The following UTP6 variants were observed in gnomAD, a reference collection of about 807,000 sequenced individuals.
UTP6 encodes UTP6 small subunit processome component, also known as U3 small nucleolar RNA-associated protein 6 homolog.
A neutral mutation model predicts 96.5 loss-of-function variants in UTP6; 60 were observed. That is an observed-to-expected ratio of 0.62 (90% confidence interval 0.51 to 0.77). The LOEUF (loss-of-function observed/expected upper bound fraction) is 0.77. Among genes scored for constraint, UTP6 ranks in the 30% least tolerant of loss-of-function variants. The pLI, the probability that UTP6 is intolerant of heterozygous loss-of-function variation, is 0.00. For missense variants in UTP6, 637 were observed against 706.5 expected (o/e 0.90, Z 1.12); for synonymous variants, 215 against 240.1 (o/e 0.90, Z 0.96).
chr17:31,878,388 G>T, intron 12 of UTP6, 61 bp from the exon 13 acceptor site: 1 of 1,514,658 alleles, frequency 6.6e-7, no homozygotes, highest in South Asian at 1.2e-5. Context: ...TCTGGCCTCT[G>T]ACATGAACAA....
chr17:31,894,978 T>C lies in UTP6; in HGVS notation c.211A>G (p.Arg71Gly). 6.4e-7 allele frequency: 1 copy of C among 1,560,336 alleles called. No individual in the cohort carries two copies. Among genetic ancestry groups the C allele is most frequent in the Non-Finnish European group, 8.7e-7 (1 of 1,145,378 alleles). The change falls in exon 3 of 19, where the codon AGA becomes GGA. Residue 71 changes from arginine to glycine, a missense_variant. Transcript: ENST00000261708. ...GAAAATCTTCTACTTACTGTTCTTCTTCTCTGGATCAGCTCCAAAAGATTA... is the reference window on the plus strand; with the variant it reads ...GAAAATCTTCTACTTACTGTTCTTCCTCTCTGGATCAGCTCCAAAAGATTA... ...EINLLELIQR[R>G]RTRIGYSFKK... is the part of the protein sequence containing the mutation.
At chr17:31,899,580 G>C (rs1904846832) in intron 2 of UTP6, 66 bp downstream of exon 2, 1 of 1,238,784 alleles carries the variant, frequency 8.1e-7, no homozygotes, top group Non-Finnish European at 1.1e-6. Context: ...GGGTGACAGA[G>C]TGAGATGCCA....
At chr17:31,884,170 G>A (rs1911008029) in intron 10 of UTP6, among the ~76,000 whole-genome samples, 1 of 151,624 alleles carries the variant, frequency 6.6e-6, no homozygotes, top group Non-Finnish European at 1.5e-5. Flanking sequence ...AACTAATTTT[G>A]TATTTTTAGT....
chr17:31,868,520 G>C (rs1480801797), intron 16 of UTP6, among the ~76,000 whole-genome samples: 1 of 151,598 alleles, frequency 6.6e-6, no homozygotes, highest in Non-Finnish European at 1.5e-5. Context: ...TTGTAGAGAA[G>C]AGGTCTCACT....
Position 31,892,185 on chromosome 17 carries a change from C to A in UTP6, c.424+75G>T, listed in dbSNP as rs780416317. 52 of 1,498,114 alleles carry A rather than the reference C, an allele frequency of 3.5e-5. No individual in the cohort carries two copies. In the South Asian group the frequency reaches 4.0e-4, roughly 12 times the overall value. 92.8% of individuals were successfully genotyped at this position (1,498,114 alleles called of 1,614,324 possible). A position where few individuals can be genotyped will look rare whatever the true frequency, so the allele number is the denominator to read the frequency against. On this transcript the variant is annotated intron_variant, in intron 6 of 18. Transcript: ENST00000261708. ...TCCTCAAAATAATTTCTCTTAGATTCATCAATCGAAATAAAATCCAAAATG... is the reference window on the plus strand; with the variant it reads ...TCCTCAAAATAATTTCTCTTAGATTAATCAATCGAAATAAAATCCAAAATG...
At position 31,862,091 on chromosome 17, in the gene UTP6, C is replaced by T. The variant is rs1359629025; in HGVS notation, c.*1268G>A. The T allele has an allele frequency of 6.6e-6, 1 of 152,172 alleles. No homozygotes were observed. The highest frequency in any genetic ancestry group is 1.5e-5 in the Non-Finnish European group (1 of 68,046). 9.4% of individuals were successfully genotyped at this position (152,172 alleles called of 1,614,324 possible). A position where few individuals can be genotyped will look rare whatever the true frequency, so the allele number is the denominator to read the frequency against. On this transcript the variant is annotated 3_prime_UTR_variant, in exon 19 of 19. Coordinates refer to ENST00000261708, the MANE Select transcript of UTP6 (RefSeq NM_018428.3). Reference sequence around the variant, plus strand: ...CGGGTGGATCATGAGGTCAGGAGTTCGCAACCAGCCTGGCCAATATGATGA... The same window carrying T: ...CGGGTGGATCATGAGGTCAGGAGTTTGCAACCAGCCTGGCCAATATGATGA...
chr17:31,873,880 C>G, intron 14 of UTP6, 127 bp from the exon 15 acceptor site: 1 of 1,027,004 alleles, frequency 9.7e-7, no homozygotes, highest in Non-Finnish European at 1.4e-6. Flanking sequence ...TAGTCCTATG[C>G]TCTGAAAACT....
chr17:31,900,753 G>C (rs1208789026), intron 1 of UTP6, among the ~76,000 whole-genome samples: 1 of 152,110 alleles, frequency 6.6e-6, no homozygotes, highest in Non-Finnish European at 1.5e-5. Context: ...AGGACTTACG[G>C]GAGAAGATTC....
chr17:31,863,522 A>C lies in UTP6; in HGVS notation c.1637-6T>G. On this transcript the variant is annotated splice_polypyrimidine_tract_variant and splice_region_variant and intron_variant, in intron 18 of 18. Transcript: ENST00000261708. Reference sequence around the variant, plus strand: ...CATATAATCCATCCAAAGATCTTTTAAAAAAAAAACATACAATTAGATAAC... The same window carrying C: ...CATATAATCCATCCAAAGATCTTTTCAAAAAAAAACATACAATTAGATAAC... 1 of 1,526,312 alleles carries C rather than the reference A, an allele frequency of 6.6e-7. No individual in the cohort carries two copies. The highest frequency in any genetic ancestry group is 8.9e-7 in the Non-Finnish European group (1 of 1,126,488). The allele number at this position is 1,526,312 out of a possible 1,614,324, so 94.5% of individuals were successfully genotyped here.
intron 18 of UTP6, among the ~76,000 whole-genome samples, chr17:31,863,755 T>A (rs1326586131): frequency 6.6e-6 from 1 of 152,068 alleles, no homozygotes; most frequent in Non-Finnish European, 1.5e-5. Context: ...CCGGCTAGAG[T>A]GTAGTAGCGG....
In UTP6 at chr17:31,873,714, C is replaced by T. The variant is rs763332420; in HGVS notation, c.1345G>A (p.Glu449Lys). ...PLWISWAEWS[E>K]GAKSQEDTEA... Reference sequence around the variant, plus strand: ...GTGTCTTCTTGGCTTTTGGCACCTTCACTCCACTCTGCCCAGGAAATCCAC... The same window carrying T: ...GTGTCTTCTTGGCTTTTGGCACCTTTACTCCACTCTGCCCAGGAAATCCAC... Residue 449 changes from glutamate (E) to lysine (K), a missense_variant, in exon 15 of 19, where the codon GAA (glutamate) becomes AAA (lysine). By Grantham distance (56) the Glu-to-Lys change is moderately conservative (BLOSUM62 1). Transcript: ENST00000261708. The T allele has an allele frequency of 3.1e-6, 5 of 1,612,158 alleles. No individual in the cohort carries two copies. The highest frequency in any genetic ancestry group is 2.7e-5 in the African/African-American group (2 of 74,772).
At chr17:31,868,359 T>A (rs187948605) in intron 16 of UTP6, among the ~76,000 whole-genome samples, 9 of 138,074 alleles carry the variant, frequency 6.5e-5, no homozygotes, top group South Asian at 2.4e-4. Context: ...AGACAGGGTC[T>A]CACTTTGTCA....
chr17:31,889,486 A>T (rs1430168453), intron 6 of UTP6, 83 bp from the exon 7 acceptor site: 8 of 1,070,502 alleles, frequency 7.5e-6, no homozygotes, highest in Non-Finnish European at 9.3e-6. Flanking sequence ...CAATTTTAAT[A>T]CTCGCACAAT....
At chr17:31,899,860 T>C (rs865813715) in intron 1 of UTP6, 130 bp from the exon 2 acceptor site, 21 of 706,016 alleles carry the variant, frequency 3.0e-5, no homozygotes, top group Middle Eastern at 8.9e-4. Flanking sequence ...AAGAAAGTAT[T>C]ATCGGCCGGA....
intron 9 of UTP6, among the ~76,000 whole-genome samples, chr17:31,885,603 C>T (rs959218147): frequency 6.6e-6 from 1 of 151,874 alleles, no homozygotes; most frequent in Admixed American, 6.6e-5. Flanking sequence ...GCCTAGCCAA[C>T]ATAGTGAAAC....
Position 31,871,485 on chromosome 17 carries a change from T to C in UTP6, c.1496+1893A>G, listed in dbSNP as rs75820941. Among the ~76,000 whole-genome samples, 492 of 152,064 alleles carry C rather than the reference T, an allele frequency of 3.2e-3. 1 individual carries two copies. The highest frequency in any genetic ancestry group is 6.0e-3 in the Non-Finnish European group (405 of 67,986). Reference sequence around the variant, plus strand: ...ATTTTTGGCTGGGCACAGTGCCTCATACCTACAATCCCAGCCCTTTGGGAG... The same window carrying C: ...ATTTTTGGCTGGGCACAGTGCCTCACACCTACAATCCCAGCCCTTTGGGAG... On this transcript the variant is annotated intron_variant, in intron 16 of 18. Coordinates refer to ENST00000261708, the MANE Select transcript of UTP6 (RefSeq NM_018428.3).
In UTP6 at chr17:31,892,454, T is replaced by TAAAC. The variant is rs372321146; in HGVS notation, c.361-135_361-132dup. The TAAAC allele has an allele frequency of 1.8e-4, 171 of 971,626 alleles. No individual in the cohort carries two copies. The African/African-American group carries it at 2.6e-3, about 15-fold the overall frequency. The allele number at this position is 971,626 out of a possible 1,614,324, so 60.2% of individuals were successfully genotyped here. On this transcript the variant is annotated intron_variant, in intron 5 of 18. Coordinates refer to ENST00000261708, the MANE Select transcript of UTP6 (RefSeq NM_018428.3). Reference sequence around the variant, plus strand: ...ATGACATGCTATTGCTAGGGATATATAAACGAACACAGACCCTCAAAATTT... The same window carrying TAAAC: ...ATGACATGCTATTGCTAGGGATATATAAACAAACGAACACAGACCCTCAAAATTT...
At position 31,883,232 on chromosome 17, in the gene UTP6, C is replaced by T. The variant is rs541878579; in HGVS notation, c.785+1192G>A. On this transcript the variant is annotated intron_variant, in intron 10 of 18. Coordinates refer to ENST00000261708, the MANE Select transcript of UTP6 (RefSeq NM_018428.3). ...AATAAAAAGAATAAAATTACCAGCA[C>T]TCAACTATAAACATATGAGTATAAC... is the stretch of plus-strand genomic sequence containing the variant. Among the ~76,000 whole-genome samples, 10 of 151,126 alleles carry T rather than the reference C, an allele frequency of 6.6e-5. No individual in the cohort carries two copies. In the East Asian group the frequency reaches 1.9e-3, roughly 29 times the overall value.
At chr17:31,875,554 G>A (rs1030663112) in intron 13 of UTP6, 141 bp from the exon 14 acceptor site, 83 of 986,140 alleles carry the variant, frequency 8.4e-5, no homozygotes, top group Non-Finnish European at 1.2e-5. Flanking sequence ...GCCAGGTGTG[G>A]TGGCTCACAC....
Sources: gnomAD v4.1 joint callset for allele counts (sites outside exome capture counted in the v4.1 genomes callset) on GRCh38, gnomAD v4.1.1 for gene constraint, MANE v1.5 for transcripts, NCBI Gene and HGNC (gene_info 2026-07-23, HGNC 2026-07-21) for gene names.